The following HTR4 variants were observed in gnomAD, a reference collection of about 807,000 sequenced individuals.
The protein encoded by HTR4 is 5-hydroxytryptamine (serotonin) receptor 4, G protein-coupled.
In HTR4, 16 loss-of-function variants were observed where a neutral mutation model predicts 36.8. The observed-to-expected ratio is 0.43, with a 90% CI of 0.29 to 0.66. The LOEUF is 0.66. Ranked by LOEUF, HTR4 falls within the 30% of genes least tolerant of loss-of-function variation. HTR4 has a pLI of 0.13. For missense variants in HTR4, 438 were observed against 490.9 expected, an observed-to-expected ratio of 0.89 and a Z score of 1.02; for synonymous variants, 189 against 185.1, an observed-to-expected ratio of 1.02 and a Z score of -0.17.
chr5:148,569,815 C>A (rs116487066), intron 2 of HTR4, among the ~76,000 whole-genome samples: 5,432 of 151,946 alleles, frequency 0.036, 135 homozygotes, highest in Middle Eastern at 0.058. Context: ...GAGGTCATGG[C>A]CATAAGAATG....
intron 5 of HTR4, among the ~76,000 whole-genome samples, chr5:148,454,955 G>A (rs1035367586): frequency 1.4e-4 from 21 of 152,256 alleles, no homozygotes; most frequent in African/African-American, 4.6e-4. Flanking sequence ...ATGGGGCTAC[G>A]CTTTAGTATC....
rs372112067 is a variant in HTR4 at position 148,596,002 on chromosome 5, G to A, written c.26+40987C>T. ...ACCAATCAGCATCCCACGGACTTCC[G>A]ATCAAAGACTGTGGCTGCAAATCAA... is the stretch of plus-strand genomic sequence containing the variant. On this transcript the variant is annotated intron_variant, in intron 2 of 6. Coordinates refer to ENST00000377888, the MANE Select transcript of HTR4 (RefSeq NM_000870.7). Among the ~76,000 whole-genome samples the A allele has an allele frequency of 4.6e-5, 7 of 152,204 alleles. No homozygotes were observed. In the East Asian group the frequency reaches 7.7e-4, roughly 17 times the overall value.
At chr5:148,491,726 C>T (rs1756454005) in intron 6 of HTR4, among the ~76,000 whole-genome samples, 1 of 152,164 alleles carries the variant, frequency 6.6e-6, no homozygotes, top group Non-Finnish European at 1.5e-5. Flanking sequence ...TGATCTAAGA[C>T]ATGCAGCTAG....
At chr5:148,490,695 T>G in intron 6 of HTR4, 1 of 1,209,836 alleles carries the variant, frequency 8.3e-7, no homozygotes, top group South Asian at 1.5e-5. Flanking sequence ...GTCATCCAAT[T>G]GTCTCCTTCA....
chr5:148,526,437 T>A (rs1180594557), intron 4 of HTR4, among the ~76,000 whole-genome samples: 4 of 152,202 alleles, frequency 2.6e-5, no homozygotes, highest in Non-Finnish European at 4.4e-5. Flanking sequence ...GCCCTATCTT[T>A]GTTGTGTAAT....
chr5:148,593,294 CATG>C (rs1475000231), intron 2 of HTR4, among the ~76,000 whole-genome samples: 3 of 152,146 alleles, frequency 2.0e-5, no homozygotes, highest in Non-Finnish European at 2.9e-5. Flanking sequence ...GGGCAAATTT[CATG>C]ATATTTTCTT....
At chr5:148,550,096 A>C in intron 3 of HTR4, 41 bp downstream of exon 3, 1 of 1,611,472 alleles carries the variant, frequency 6.2e-7, no homozygotes, top group Non-Finnish European at 8.5e-7. Context: ...GACAGCTCAG[A>C]ACTCCCATGT....
chr5:148,483,099 C>A lies in HTR4; in HGVS notation c.*104G>T. Reference sequence around the variant, plus strand: ...GGTTCCTGCACTGGCGGACGGAAAGCCTCAGGTGAAGAGAATACCGGGTGC... The same window carrying A: ...GGTTCCTGCACTGGCGGACGGAAAGACTCAGGTGAAGAGAATACCGGGTGC... On this transcript the variant is annotated 3_prime_UTR_variant, in exon 7 of 7. Coordinates refer to ENST00000377888, the MANE Select transcript of HTR4 (RefSeq NM_000870.7). 6.4e-7 allele frequency: 1 copy of A among 1,550,548 alleles called. No individual in the cohort carries two copies.
intron 4 of HTR4, among the ~76,000 whole-genome samples, chr5:148,524,035 C>T (rs1380256330): frequency 6.6e-6 from 1 of 151,568 alleles, no homozygotes; most frequent in African/African-American, 2.4e-5. Flanking sequence ...TCCCCTCCAT[C>T]CCCCCATCCC....
downstream of HTR4, among the ~76,000 whole-genome samples, chr5:148,475,141 T>A (rs1157555449): frequency 1.3e-5 from 2 of 152,180 alleles, no homozygotes; most frequent in African/African-American, 4.8e-5. Flanking sequence ...AACTACCAAT[T>A]ATCTCCCTGG....
chr5:148,588,835 CTTT>C (rs1293554566), intron 2 of HTR4, among the ~76,000 whole-genome samples: 1 of 151,522 alleles, frequency 6.6e-6, no homozygotes, highest in Non-Finnish European at 1.5e-5. Context: ...GGTTTTAATT[CTTT>C]TATTATAAAT....
At chr5:148,474,612 A>T (rs376248387), downstream of HTR4, among the ~76,000 whole-genome samples, 231 of 152,304 alleles carry the variant, frequency 1.5e-3, 1 homozygote, top group African/African-American at 5.2e-3. Flanking sequence ...CATCCAGGCT[A>T]CTAGACTACC....
intron 4 of HTR4, among the ~76,000 whole-genome samples, chr5:148,525,434 C>T (rs1005518182): frequency 1.2e-4 from 18 of 152,126 alleles, no homozygotes; most frequent in East Asian, 7.7e-4. Flanking sequence ...TCAAATCCTT[C>T]GGGAGTTATC....
chr5:148,586,622 C>T (rs1761359549), intron 2 of HTR4, among the ~76,000 whole-genome samples: 1 of 152,074 alleles, frequency 6.6e-6, no homozygotes, highest in Non-Finnish European at 1.5e-5. Context: ...AGGTCCCTCC[C>T]TCGACATGTG....
intron 2 of HTR4, 81 bp downstream of exon 2, chr5:148,636,908 T>G: frequency 1.1e-6 from 1 of 893,788 alleles, no homozygotes; most frequent in East Asian, 2.5e-5. Context: ...ACTTTATAAC[T>G]CTACAACAAC....
At chr5:148,616,295 A>C (rs1174683891) in intron 2 of HTR4, among the ~76,000 whole-genome samples, 1 of 152,214 alleles carries the variant, frequency 6.6e-6, no homozygotes. Context: ...GAAATTTGAC[A>C]CAGTGTGTTA....
At chr5:148,554,210 G>A (rs534845267) in intron 2 of HTR4, among the ~76,000 whole-genome samples, 7 of 152,164 alleles carry the variant, frequency 4.6e-5, no homozygotes, top group African/African-American at 7.2e-5. Flanking sequence ...CAAGTAGCTG[G>A]GATTACAGGA....
chr5:148,638,781 G>A (rs1753631992), intron 1 of HTR4, among the ~76,000 whole-genome samples: 1 of 152,098 alleles, frequency 6.6e-6, no homozygotes, highest in Admixed American at 6.6e-5. Context: ...CTGGCCGGGG[G>A]CAGTAGCTCA....
intron 2 of HTR4, among the ~76,000 whole-genome samples, chr5:148,614,723 C>G (rs1161463891): frequency 4.6e-5 from 7 of 151,998 alleles, no homozygotes; most frequent in African/African-American, 7.2e-5. Flanking sequence ...GCAAAAGAAA[C>G]TACCATCAGA....
Sources: gnomAD v4.1 joint callset for allele counts (sites outside exome capture counted in the v4.1 genomes callset) on GRCh38, gnomAD v4.1.1 for gene constraint, MANE v1.5 for transcripts, NCBI Gene and HGNC (gene_info 2026-07-23, HGNC 2026-07-21) for gene names.